Variants in ASAP2 observed in about 807,000 individuals in gnomAD.
ASAP2 encodes the protein arf-GAP with SH3 domain, ANK repeat and PH domain-containing protein 2.
A neutral mutation model predicts 131.4 loss-of-function variants in ASAP2; 45 were observed. The ratio of observed to expected loss-of-function variants is 0.34; its 90% CI spans 0.27 to 0.44. ASAP2 has a LOEUF of 0.44. Among genes scored for constraint, ASAP2 ranks in the 20% least tolerant of loss-of-function variants. The pLI is 1.00. For missense variants in ASAP2, 1,011 were observed against 1,297.0 expected (o/e 0.78, Z 3.39); for synonymous variants, 510 against 503.0 (o/e 1.01, Z -0.19).
intron 1 of ASAP2, among the ~76,000 whole-genome samples, chr2:9,212,675 A>G (rs1661663455): frequency 1.3e-5 from 2 of 152,110 alleles, no homozygotes; most frequent in East Asian, 1.9e-4. Context: ...CCAGGCCCGC[A>G]CTGTCTGATG....
chr2:9,267,224 G>A (rs1270354403), intron 1 of ASAP2, among the ~76,000 whole-genome samples: 1 of 151,928 alleles, frequency 6.6e-6, no homozygotes, highest in African/African-American at 2.4e-5. Context: ...GCTGAGTTTT[G>A]GGGCATGATT....
At chr2:9,320,430 A>G (rs1237838585) in intron 5 of ASAP2, 93 bp downstream of exon 5, 19 of 934,066 alleles carry the variant, frequency 2.0e-5, no homozygotes, top group Non-Finnish European at 3.0e-5. Flanking sequence ...GTCCAAATAA[A>G]CCTTAATCCA....
intron 3 of ASAP2, among the ~76,000 whole-genome samples, chr2:9,303,247 A>G (rs974666793): frequency 2.6e-5 from 4 of 152,230 alleles, no homozygotes; most frequent in African/African-American, 9.7e-5. Context: ...AGACATCCCC[A>G]GTGGCTTGGG....
chr2:9,352,912 T>C lies in ASAP2; in HGVS notation c.1111+2017T>C, dbSNP rs532542655. 3.9e-5 allele frequency among the ~76,000 whole-genome samples: 6 copies of C among 152,290 alleles called. No homozygotes were observed. The East Asian group carries it at 1.2e-3, about 29-fold the overall frequency. On this transcript the variant is annotated intron_variant, in intron 12 of 27. Transcript: ENST00000281419. ...GAAAAGAGCTCTCATCCCTCCTCCT[T>C]CCCTGCTTGTCTTCCAGTGGGTAAA...
chr2:9,317,597 T>G (rs906178586), intron 3 of ASAP2, among the ~76,000 whole-genome samples: 1 of 136,464 alleles, frequency 7.3e-6, no homozygotes, highest in Non-Finnish European at 1.6e-5. Flanking sequence ...CACAATCACA[T>G]TCACGCACTC....
Position 9,388,577 on chromosome 2 carries a change from T to C in ASAP2, c.2383+31T>C, listed in dbSNP as rs370509173. On this transcript the variant is annotated intron_variant, in intron 22 of 27. Transcript: ENST00000281419. Reference sequence around the variant, plus strand: ...AAGCTGTCCGTCATCCCTGTGAATATATAGAGGGTCTTGTTTTGTGGTTTG... The same window carrying C: ...AAGCTGTCCGTCATCCCTGTGAATACATAGAGGGTCTTGTTTTGTGGTTTG... The C allele has an allele frequency of 6.9e-6, 11 of 1,595,850 alleles. No homozygotes were observed. The African/African-American group carries it at 1.1e-4, about 16-fold the overall frequency.
chr2:9,317,246 C>T (rs888876935), intron 3 of ASAP2, among the ~76,000 whole-genome samples: 9 of 150,348 alleles, frequency 6.0e-5, no homozygotes, highest in African/African-American at 2.2e-4. Context: ...CACACTCATA[C>T]ACACCCCGTG....
intron 1 of ASAP2, among the ~76,000 whole-genome samples, chr2:9,254,353 C>CTT (rs777033631): frequency 5.6e-4 from 58 of 103,940 alleles, no homozygotes; most frequent in Middle Eastern, 7.0e-3. Context: ...ATAAACTAAA[C>CTT]TTTTTTTTTT....
intron 1 of ASAP2, among the ~76,000 whole-genome samples, chr2:9,254,076 C>T (rs540753537): frequency 4.0e-5 from 6 of 150,208 alleles, no homozygotes; most frequent in South Asian, 2.1e-4. Context: ...CGTGGTGGCA[C>T]GTTCCTGTAG....
At chr2:9,326,472 G>A (rs917060634) in intron 6 of ASAP2, among the ~76,000 whole-genome samples, 9 of 126,736 alleles carry the variant, frequency 7.1e-5, no homozygotes, top group South Asian at 4.6e-4. Context: ...CGGAGAAGGC[G>A]TGAGAAGATC....
intron 1 of ASAP2, among the ~76,000 whole-genome samples, chr2:9,210,930 C>T (rs190703479): frequency 2.4e-4 from 36 of 151,842 alleles, no homozygotes; most frequent in African/African-American, 8.0e-4. Context: ...CCAAGGCGGG[C>T]AGATCACTTG....
chr2:9,381,082 A>G (rs73150933), intron 20 of ASAP2, among the ~76,000 whole-genome samples: 238 of 152,342 alleles, frequency 1.6e-3, no homozygotes, highest in African/African-American at 5.4e-3. Flanking sequence ...TGGTGGGACA[A>G]CTGGAACAGA....
In ASAP2 at chr2:9,237,272, G is replaced by A. The variant is rs370739220; in HGVS notation, c.126+30042G>A. ...AGTGAAAATGGAAAAGTTTAACAGG[G>A]CCTCAACTCCTGAGGCTGGATTAGG... On this transcript the variant is annotated intron_variant, in intron 1 of 27. Transcript: ENST00000281419. Among the ~76,000 whole-genome samples the A allele has an allele frequency of 3.3e-5, 5 of 152,144 alleles. No homozygotes were observed. In the East Asian group the frequency reaches 9.6e-4, roughly 29 times the overall value.
chr2:9,401,793 G>A (rs538882698), intron 27 of ASAP2, among the ~76,000 whole-genome samples: 3 of 152,332 alleles, frequency 2.0e-5, no homozygotes, highest in South Asian at 2.1e-4. Context: ...AGCTGTGGCC[G>A]CCCAGGCGTC....
chr2:9,384,153 A>G (rs1049930480), intron 20 of ASAP2, among the ~76,000 whole-genome samples: 7 of 152,244 alleles, frequency 4.6e-5, no homozygotes, highest in Admixed American at 2.6e-4. Flanking sequence ...CCTAGAACTT[A>G]AAGTATAATA....
At chr2:9,253,804 C>T (rs916156972) in intron 1 of ASAP2, among the ~76,000 whole-genome samples, 1 of 152,134 alleles carries the variant, frequency 6.6e-6, no homozygotes, top group African/African-American at 2.4e-5. Flanking sequence ...TCCCCCTTAG[C>T]TGCATTTTAC....
At chr2:9,380,829 ACGGGGT>A (rs770430193) in intron 20 of ASAP2, 21 bp downstream of exon 20, 33 of 1,611,416 alleles carry the variant, frequency 2.0e-5, no homozygotes, top group Non-Finnish European at 8.5e-6. Context: ...CACCACAAGG[ACGGGGT>A]GGGGCACCTG....
At chr2:9,317,811 C>A (rs376961986) in intron 3 of ASAP2, among the ~76,000 whole-genome samples, 2 of 132,422 alleles carry the variant, frequency 1.5e-5, no homozygotes, top group African/African-American at 5.4e-5. Context: ...CACACACTCA[C>A]ACAATCACAC....
At chr2:9,220,491 T>C (rs1387384395) in intron 1 of ASAP2, among the ~76,000 whole-genome samples, 1 of 152,246 alleles carries the variant, frequency 6.6e-6, no homozygotes, top group African/African-American at 2.4e-5. Flanking sequence ...TGTTGTTTTA[T>C]ATGCCCATGG....
Sources: allele counts gnomAD v4.1 joint callset (sites outside exome capture counted in the v4.1 genomes callset), GRCh38; gene constraint gnomAD v4.1.1; transcripts MANE v1.5; gene names NCBI Gene and HGNC (gene_info 2026-07-23, HGNC 2026-07-21).